The following ANO4 variants were observed in gnomAD, a reference collection of about 807,000 sequenced individuals.
ANO4 encodes the protein anoctamin-4.
ANO4 carries 69 observed loss-of-function variants against 141.9 expected under a neutral mutation model. The ratio of observed to expected loss-of-function variants is 0.49; its 90% CI spans 0.40 to 0.59. The LOEUF (loss-of-function observed/expected upper bound fraction) is 0.59, where lower values mean the gene tolerates loss of function less well. Ranked by LOEUF, ANO4 falls within the 20% of genes least tolerant of loss-of-function variation. The probability of loss-of-function intolerance (pLI) is 0.00; values close to 1 mark genes in which losing one functional copy is unlikely to be tolerated. For missense variants in ANO4, 894 were observed against 1,162.2 expected, an observed-to-expected ratio of 0.77 and a Z score of 3.36; for synonymous variants, 350 against 394.3, an observed-to-expected ratio of 0.89 and a Z score of 1.33.
At chr12:100,721,389 A>G (rs1361292695) in intron 1 of ANO4, among the ~76,000 whole-genome samples, 1 of 152,160 alleles carries the variant, frequency 6.6e-6, no homozygotes, top group Non-Finnish European at 1.5e-5. Context: ...TGGGTAGGGT[A>G]AGGGATGGGC....
intron 3 of ANO4, among the ~76,000 whole-genome samples, chr12:100,938,126 T>C (rs2042360732): frequency 6.6e-6 from 1 of 152,364 alleles, no homozygotes; most frequent in African/African-American, 2.4e-5. Context: ...GATGAAAAAC[T>C]TGGAAAGCTA....
At chr12:101,013,660 T>G (rs1470453045) in intron 8 of ANO4, among the ~76,000 whole-genome samples, 1 of 152,218 alleles carries the variant, frequency 6.6e-6, no homozygotes, top group Non-Finnish European at 1.5e-5. Context: ...AATTTAATTT[T>G]TAATCAATTA....
At chr12:101,067,001 A>AC (rs2048620346) in intron 14 of ANO4, 1 of 506,084 alleles carries the variant, frequency 2.0e-6, no homozygotes. Context: ...GTATAACAAA[A>AC]AAAAAAAAAA....
chr12:100,909,057 G>T (rs971678931), intron 2 of ANO4, among the ~76,000 whole-genome samples: 1 of 152,138 alleles, frequency 6.6e-6, no homozygotes, highest in Non-Finnish European at 1.5e-5. Flanking sequence ...AGGGTTCTTT[G>T]TTACCAACAA....
At chr12:100,752,212 G>A (rs2087093164) in intron 3 of ANO4, among the ~76,000 whole-genome samples, 1 of 151,930 alleles carries the variant, frequency 6.6e-6, no homozygotes, top group Non-Finnish European at 1.5e-5. Flanking sequence ...GCTGGGCTTC[G>A]ATGCTGAGGT....
chr12:100,935,024 A>G (rs191563715), intron 3 of ANO4, among the ~76,000 whole-genome samples: 43 of 152,318 alleles, frequency 2.8e-4, no homozygotes, highest in Admixed American at 2.1e-3. Flanking sequence ...ATATACAGTC[A>G]TGTCATCTGC....
At chr12:101,116,912 T>G in intron 25 of ANO4, 114 bp downstream of exon 25, 1 of 1,422,684 alleles carries the variant, frequency 7.0e-7, no homozygotes. Context: ...ACTGTCAATC[T>G]CAACAGTGCA....
intron 8 of ANO4, among the ~76,000 whole-genome samples, chr12:100,991,629 T>C (rs1462262884): frequency 6.6e-6 from 1 of 152,080 alleles, no homozygotes; most frequent in Middle Eastern, 3.2e-3. Context: ...CCAATTCTGG[T>C]TGAGATGTAC....
intron 8 of ANO4, among the ~76,000 whole-genome samples, chr12:100,991,476 C>T (rs1478853823): frequency 1.6e-5 from 2 of 126,636 alleles, no homozygotes; most frequent in African/African-American, 6.0e-5. Flanking sequence ...TAAGTGTGTT[C>T]GTTAGGGGGT....
At chr12:101,097,815 A>T in intron 20 of ANO4, 33 bp from the exon 21 acceptor site, 1 of 1,609,794 alleles carries the variant, frequency 6.2e-7, no homozygotes, top group Non-Finnish European at 8.5e-7. Context: ...CTCTCCATTG[A>T]TTCTGGAATT....
intron 8 of ANO4, among the ~76,000 whole-genome samples, chr12:100,996,343 G>A (rs192391002): frequency 6.6e-6 from 1 of 152,164 alleles, no homozygotes; most frequent in African/African-American, 2.4e-5. Context: ...AAGAAAAAGC[G>A]CTAACAATGG....
intron 1 of ANO4, among the ~76,000 whole-genome samples, chr12:100,862,394 T>C (rs1341136359): frequency 6.6e-6 from 1 of 152,194 alleles, no homozygotes; most frequent in Non-Finnish European, 1.5e-5. Context: ...CAATCTCAGC[T>C]CACTGCAATC....
chr12:100,844,173 A>G (rs1287302089), intron 1 of ANO4, among the ~76,000 whole-genome samples: 2 of 152,058 alleles, frequency 1.3e-5, no homozygotes, highest in South Asian at 2.1e-4. Context: ...ATAATTTCAG[A>G]TAGTGTTAAG....
At chr12:101,079,340 C>CA (rs1226959724) in intron 15 of ANO4, 65 bp downstream of exon 15, 34 of 1,247,610 alleles carry the variant, frequency 2.7e-5, no homozygotes, top group Non-Finnish European at 3.8e-5. Context: ...GACCCCCCCC[C>CA]AAAATTGTCA....
intron 1 of ANO4, among the ~76,000 whole-genome samples, chr12:100,720,563 C>A (rs1193943935): frequency 6.6e-6 from 1 of 151,846 alleles, no homozygotes; most frequent in East Asian, 1.9e-4. Flanking sequence ...CCCTCATTTT[C>A]CTCCTACCTC....
intron 3 of ANO4, among the ~76,000 whole-genome samples, chr12:100,767,766 C>A (rs1009366302): frequency 6.6e-6 from 1 of 152,190 alleles, no homozygotes; most frequent in African/African-American, 2.4e-5. Flanking sequence ...CTTTGGAAAG[C>A]AAAACCATGG....
chr12:101,098,853 G>C (rs996797381), intron 21 of ANO4, among the ~76,000 whole-genome samples: 1 of 152,058 alleles, frequency 6.6e-6, no homozygotes, highest in African/African-American at 2.4e-5. Flanking sequence ...TCCTTTATTT[G>C]CTTCATTTCC....
chr12:100,834,937 G>A (rs1034770073), intron 1 of ANO4, among the ~76,000 whole-genome samples: 1 of 152,100 alleles, frequency 6.6e-6, no homozygotes, highest in African/African-American at 2.4e-5. Context: ...CCAGCCTAGA[G>A]GTCATTGCAG....
intron 17 of ANO4, among the ~76,000 whole-genome samples, chr12:101,091,940 C>T (rs1247291263): frequency 1.3e-5 from 2 of 151,944 alleles, no homozygotes; most frequent in African/African-American, 4.8e-5. Context: ...TTAAGGGGCA[C>T]TTAGTAGTTC....
Sources: gnomAD v4.1 joint callset for allele counts (sites outside exome capture counted in the v4.1 genomes callset) on GRCh38, gnomAD v4.1.1 for gene constraint, MANE v1.5 for transcripts, NCBI Gene and HGNC (gene_info 2026-07-23, HGNC 2026-07-21) for gene names.